Variants in RXRA observed in about 807,000 individuals in gnomAD.
The protein encoded by RXRA is retinoid X receptor alpha.
A neutral mutation model predicts 44.5 loss-of-function variants in RXRA; 5 were observed. The observed-to-expected ratio is 0.11, with a 90% confidence interval of 0.06 to 0.24. RXRA has a LOEUF of 0.24. RXRA is among the 10% of genes least tolerant of loss of function. RXRA has a pLI of 1.00. For synonymous variants in RXRA, 291 were observed against 271.4 expected (o/e 1.07, Z -0.71); for missense variants, 412 against 646.5 (o/e 0.64, Z 3.93).
intron 1 of RXRA, among the ~76,000 whole-genome samples, chr9:134,358,113 G>A (rs907506972): frequency 5.9e-5 from 9 of 152,262 alleles, no homozygotes; most frequent in African/African-American, 1.9e-4. Context: ...TTCCAAGAGG[G>A]CTGCTGCTGG....
In RXRA at chr9:134,426,501, G is replaced by C; in HGVS notation, c.911-2607G>C. On this transcript the variant is annotated intron_variant, in intron 6 of 9. Coordinates refer to ENST00000481739, the MANE Select transcript of RXRA (RefSeq NM_002957.6). The surrounding 1 kb of genome is among the most constrained non-coding windows in gnomAD (Gnocchi z 4.6). ...GGAGCTGAGATGCAGCCGGCGTGCC[G>C]GAGGGTGCAGAGAGAGACTCCGCAC... The C allele has an allele frequency of 1.0e-6, 1 of 985,446 alleles. No individual in the cohort carries two copies. The highest frequency in any genetic ancestry group is 5.2e-4 in the Middle Eastern group (1 of 1,914). The allele number at this position is 985,446 out of a possible 1,614,324, so 61.0% of individuals were successfully genotyped here. A position where few individuals can be genotyped will look rare whatever the true frequency, so the allele number is the denominator to read the frequency against.
At chr9:134,379,750 T>C in intron 1 of RXRA, 1 of 985,374 alleles carries the variant, frequency 1.0e-6, no homozygotes, top group Non-Finnish European at 1.2e-6. Context: ...TCAGCCCCTC[T>C]GTGCCTGTGG....
intron 1 of RXRA, among the ~76,000 whole-genome samples, chr9:134,397,889 G>T (rs1460541028): frequency 6.6e-6 from 1 of 152,246 alleles, no homozygotes; most frequent in African/African-American, 2.4e-5. Flanking sequence ...GGCTGTCCCT[G>T]TGGTTTGGGG....
chr9:134,428,851 T>G (rs34502422), intron 6 of RXRA, among the ~76,000 whole-genome samples: 432 of 152,330 alleles, frequency 2.8e-3, no homozygotes, highest in Non-Finnish European at 5.0e-3. Context: ...CACATGAGTT[T>G]GTGAGCTCCC....
chr9:134,390,742 T>C (rs1165039577), intron 1 of RXRA, among the ~76,000 whole-genome samples: 1 of 151,862 alleles, frequency 6.6e-6, no homozygotes, highest in Non-Finnish European at 1.5e-5. Context: ...CTCAGCGGGC[T>C]GACGTCCCGT....
At chr9:134,348,809 C>T (rs921646255) in intron 1 of RXRA, among the ~76,000 whole-genome samples, 5 of 152,250 alleles carry the variant, frequency 3.3e-5, no homozygotes, top group Non-Finnish European at 5.9e-5. Flanking sequence ...GGACGCTGGA[C>T]GTCGAGGTGG....
chr9:134,379,213 A>C (rs1386661354), intron 1 of RXRA: 2 of 955,626 alleles, frequency 2.1e-6, no homozygotes, highest in Non-Finnish European at 2.5e-6. Flanking sequence ...GTCCGTGCTT[A>C]ACTGGGCCTT....
chr9:134,425,398 C>G, intron 6 of RXRA: 1 of 985,200 alleles, frequency 1.0e-6, no homozygotes, highest in Non-Finnish European at 1.2e-6. Flanking sequence ...AGGGCCGGGT[C>G]GCTCACAGCT....
At chr9:134,328,146 A>C (rs1834945540) in intron 1 of RXRA, among the ~76,000 whole-genome samples, 1 of 152,066 alleles carries the variant, frequency 6.6e-6, no homozygotes, top group Non-Finnish European at 1.5e-5. Context: ...AAAGCTTTGC[A>C]CTCACACATG....
chr9:134,382,791 G>T (rs1212432264), intron 1 of RXRA, among the ~76,000 whole-genome samples: 1 of 152,184 alleles, frequency 6.6e-6, no homozygotes, highest in Non-Finnish European at 1.5e-5. Flanking sequence ...ATGTGCCTGA[G>T]AGCTGGTCCG....
chr9:134,409,066 G>A lies in RXRA; in HGVS notation c.557G>A (p.Arg186Gln), dbSNP rs2119160143. 6.2e-7 allele frequency: 1 copy of A among 1,611,036 alleles called. No homozygotes were observed. Among genetic ancestry groups the A allele is most frequent in the Non-Finnish European group, 8.5e-7 (1 of 1,178,708 alleles). The change falls in exon 4 of 10, where the codon CGG becomes CAG. Residue 186 changes from arginine (R) to glutamine (Q), a missense_variant. By Grantham distance (43) the Arg-to-Gln change is conservative (BLOSUM62 1). This residue lies in a region of RXRA where 48 missense variants were observed against 119.9 expected (regional missense o/e 0.40). Transcript: ENST00000481739. ...CTGATTGACAAGCGGCAGCGGAACCGGTGCCAGTACTGCCGCTACCAGAAG... is the reference window on the plus strand; with the variant it reads ...CTGATTGACAAGCGGCAGCGGAACCAGTGCCAGTACTGCCGCTACCAGAAG... Reference protein sequence around the residue: ...DCLIDKRQRNRCQYCRYQKCL... With the variant: ...DCLIDKRQRNQCQYCRYQKCL...
chr9:134,378,798 C>T (rs114051128), intron 1 of RXRA, among the ~76,000 whole-genome samples: 1,709 of 152,284 alleles, frequency 0.011, 29 homozygotes, highest in African/African-American at 0.04. Flanking sequence ...GTGAAGCACC[C>T]CAGCCTTGTA....
chr9:134,421,573 G>A (rs558680163), intron 5 of RXRA, 103 bp from the exon 6 acceptor site: 140 of 1,337,324 alleles, frequency 1.0e-4, no homozygotes, highest in South Asian at 9.6e-4. Flanking sequence ...CGTATTCAGC[G>A]TCCTGCATGG....
At chr9:134,344,935 A>G (rs1830132458) in intron 1 of RXRA, among the ~76,000 whole-genome samples, 1 of 152,154 alleles carries the variant, frequency 6.6e-6, no homozygotes, top group Non-Finnish European at 1.5e-5. Flanking sequence ...AGAGTTGGGC[A>G]GCGGATGTAG....
intron 5 of RXRA, among the ~76,000 whole-genome samples, chr9:134,421,295 C>T (rs1272760570): frequency 6.6e-6 from 1 of 152,224 alleles, no homozygotes; most frequent in Non-Finnish European, 1.5e-5. Context: ...GCTTCTGGCA[C>T]ATTCCTTGGC....
Position 134,439,442 on chromosome 9 carries a change from G to A in RXRA, c.*2828G>A, listed in dbSNP as rs1831691350. 1 of 152,298 alleles carries A rather than the reference G, an allele frequency of 6.6e-6. No individual in the cohort carries two copies. The highest frequency in any genetic ancestry group is 1.5e-5 in the Non-Finnish European group (1 of 68,078). 9.4% of individuals were successfully genotyped at this position (152,298 alleles called of 1,614,324 possible). A position where few individuals can be genotyped will look rare whatever the true frequency, so the allele number is the denominator to read the frequency against. On this transcript the variant is annotated 3_prime_UTR_variant, in exon 10 of 10. Transcript: ENST00000481739. ...GGCATGCTTGGAAGCTGGCCTGCCA[G>A]GACCTTCCACCCTGGGGCCTGTGTC...
intron 6 of RXRA, among the ~76,000 whole-genome samples, chr9:134,428,585 C>T (rs1441514658): frequency 6.6e-6 from 1 of 151,052 alleles, no homozygotes; most frequent in East Asian, 2.0e-4. Context: ...GGAACCCCCA[C>T]TATGTTGAGG....
chr9:134,385,258 C>A (rs534839411), intron 1 of RXRA, among the ~76,000 whole-genome samples: 1 of 152,196 alleles, frequency 6.6e-6, no homozygotes, highest in Non-Finnish European at 1.5e-5. Flanking sequence ...ACTACCGGCC[C>A]GGGGCTTGTC....
In RXRA at chr9:134,373,039, C is replaced by T. The variant is rs113996330; in HGVS notation, c.29-28593C>T. The stretch of plus-strand genomic sequence containing the variant: ...CTGGCCTGGGCTGTGGCGTCTGCCC[C>T]GGGTTCGTCAGCAGGGGAGGGGCCC... On this transcript the variant is annotated intron_variant, in intron 1 of 9. Transcript: ENST00000481739. Among the ~76,000 whole-genome samples, 338 of 152,278 alleles carry T rather than the reference C, an allele frequency of 2.2e-3. 2 individuals carry two copies. Among genetic ancestry groups the T allele is most frequent in the African/African-American group, 7.7e-3 (322 of 41,564 alleles).
Sources: gnomAD v4.1 joint callset for allele counts (sites outside exome capture counted in the v4.1 genomes callset) on GRCh38, gnomAD v4.1.1 for gene constraint, gnomAD v4.1.1 regional missense constraint, Gnocchi (gnomAD v3.1) non-coding constraint, MANE v1.5 for transcripts, NCBI Gene and HGNC (gene_info 2026-07-23, HGNC 2026-07-21) for gene names.